Variants in HRH2 observed in about 807,000 individuals in gnomAD.
HRH2 encodes the protein histamine receptor H2.
HRH2 carries 4 observed loss-of-function variants against 20.1 expected under a neutral mutation model. The ratio of observed to expected loss-of-function variants is 0.20; its 90% CI spans 0.10 to 0.45. The LOEUF (loss-of-function observed/expected upper bound fraction) is 0.45, where lower values mean the gene tolerates loss of function less well. Among genes scored for constraint, HRH2 ranks in the 20% least tolerant of loss-of-function variants. The probability of loss-of-function intolerance (pLI) is 0.99; values close to 1 mark genes in which losing one functional copy is unlikely to be tolerated. For missense variants in HRH2, 250 were observed against 461.6 expected (o/e 0.54, Z 4.20); for synonymous variants, 197 against 200.7 (o/e 0.98, Z 0.16).
Position 175,677,444 on chromosome 5 carries a change from A to G in HRH2, c.-525-5265A>G, listed in dbSNP as rs972187520. Among the ~76,000 whole-genome samples the G allele has an allele frequency of 1.3e-5, 2 of 152,212 alleles. No homozygotes were observed. The highest frequency in any genetic ancestry group is 2.9e-5 in the Non-Finnish European group (2 of 68,038). On this transcript the variant is annotated intron_variant, in intron 1 of 2. Transcript: ENST00000636584. This position sits in a 1 kb window ranked among gnomAD's most constrained non-coding sequence, Gnocchi z 4.2. ...AAGCTGTTCTGCCATGTTAAGTGGG[A>G]AGAAAGGGCTCCCTGGGAAGGCCAG...
chr5:175,685,463 T>G, intron 2 of HRH2: 1 of 1,551,636 alleles, frequency 6.4e-7, no homozygotes, highest in Non-Finnish European at 8.7e-7. Context: ...ATTCATTCAT[T>G]CATTTGTTCA....
In HRH2 at chr5:175,710,560, G is replaced by A. The variant is rs1757061881; in HGVS notation, c.*2589G>A. Reference sequence around the variant, plus strand: ...CAGCTGGTCAGAGCTCTGGCCCGAGGGGCCCACGCACCACCCGCCACTGCA... The same window carrying A: ...CAGCTGGTCAGAGCTCTGGCCCGAGAGGCCCACGCACCACCCGCCACTGCA... On this transcript the variant is annotated 3_prime_UTR_variant, in exon 3 of 3. Coordinates refer to ENST00000636584, the MANE Select transcript of HRH2 (RefSeq NM_001367711.1). 1 of 152,268 alleles carries A rather than the reference G, an allele frequency of 6.6e-6. No individual in the cohort carries two copies. The highest frequency in any genetic ancestry group is 2.4e-5 in the African/African-American group (1 of 41,454). 9.4% of individuals were successfully genotyped at this position (152,268 alleles called of 1,614,324 possible).
intron 2 of HRH2, among the ~76,000 whole-genome samples, chr5:175,699,648 A>G (rs1305194285): frequency 6.6e-6 from 1 of 152,136 alleles, no homozygotes; most frequent in Non-Finnish European, 1.5e-5. Flanking sequence ...ACCTCGGCTC[A>G]CTGCAAGCTC....
Position 175,710,202 on chromosome 5 carries a change from G to C in HRH2, c.*2231G>C, listed in dbSNP as rs1346913842. ...CCTCACCAGGCTGTGGGTCCTGTCT[G>C]TTTCTGGTGACCGTTGTCTGTCTAA... is the stretch of plus-strand genomic sequence containing the variant. On this transcript the variant is annotated 3_prime_UTR_variant, in exon 3 of 3. Coordinates refer to ENST00000636584, the MANE Select transcript of HRH2 (RefSeq NM_001367711.1). 6.6e-6 allele frequency: 1 copy of C among 152,428 alleles called. No homozygotes were observed. Among genetic ancestry groups the C allele is most frequent in the African/African-American group, 2.4e-5 (1 of 41,444 alleles). 9.4% of individuals were successfully genotyped at this position (152,428 alleles called of 1,614,324 possible).
chr5:175,666,300 C>T (rs943511672), intron 1 of HRH2, among the ~76,000 whole-genome samples: 1 of 152,170 alleles, frequency 6.6e-6, no homozygotes, highest in African/African-American at 2.4e-5. Context: ...GGATCTGGGG[C>T]GTCATTGGGC....
Position 175,681,760 on chromosome 5 carries a change from T to C in HRH2, c.-525-949T>C, listed in dbSNP as rs1462734786. ...TGTGGGGATGATAGGATAAACCTAT[T>C]CATGGTGAGCCTCCCCACAGACTGT... On this transcript the variant is annotated intron_variant, in intron 1 of 2. Coordinates refer to ENST00000636584, the MANE Select transcript of HRH2 (RefSeq NM_001367711.1). This position sits in a 1 kb window ranked among gnomAD's most constrained non-coding sequence, Gnocchi z 4.3. Among the ~76,000 whole-genome samples, 1 of 152,158 alleles carries C rather than the reference T, an allele frequency of 6.6e-6. No individual in the cohort carries two copies. The highest frequency in any genetic ancestry group is 2.4e-5 in the African/African-American group (1 of 41,450).
In HRH2 at chr5:175,658,105, G is replaced by C. The variant is rs1762619474; in HGVS notation, c.-576G>C. The stretch of plus-strand genomic sequence containing the variant: ...CCCGGAGCGCAGCCGGCGCGGGCGC[G>C]GGACCGAGGCGAACCGGGTGCGGAG... On this transcript the variant is annotated 5_prime_UTR_variant, in exon 1 of 3. Transcript: ENST00000636584. 6.6e-6 allele frequency: 1 copy of C among 151,830 alleles called. No individual in the cohort carries two copies. 9.4% of individuals were successfully genotyped at this position (151,830 alleles called of 1,614,324 possible).
intron 1 of HRH2, among the ~76,000 whole-genome samples, chr5:175,668,151 A>G (rs1471549716): frequency 2.0e-5 from 3 of 152,220 alleles, no homozygotes; most frequent in African/African-American, 7.2e-5. Flanking sequence ...GGGAAGGACC[A>G]GGGCAGGGCA....
At position 175,681,569 on chromosome 5, in the gene HRH2, C is replaced by G. The variant is rs956664969; in HGVS notation, c.-525-1140C>G. ...CGCCAGTTGGAATCATATACAGCCA[C>G]CACTGGGAGGGAGCCTTGGAGATTA... On this transcript the variant is annotated intron_variant, in intron 1 of 2. Coordinates refer to ENST00000636584, the MANE Select transcript of HRH2 (RefSeq NM_001367711.1). This position sits in a 1 kb window ranked among gnomAD's most constrained non-coding sequence, Gnocchi z 4.3. Among the ~76,000 whole-genome samples the G allele has an allele frequency of 5.9e-5, 9 of 152,162 alleles. No homozygotes were observed. The highest frequency in any genetic ancestry group is 2.2e-4 in the African/African-American group (9 of 41,446).
At chr5:175,685,905 C>G (rs549272042) in intron 2 of HRH2, 1 of 188,892 alleles carries the variant, frequency 5.3e-6, no homozygotes, top group South Asian at 1.1e-4. Context: ...CTAGTGAGAA[C>G]CCTACATATT....
rs1411496263 is a variant in HRH2, at chr5:175,686,782, T to G, written c.1076+2473T>G. 6.6e-6 allele frequency among the ~76,000 whole-genome samples: 1 copy of G among 152,200 alleles called. No homozygotes were observed. The highest frequency in any genetic ancestry group is 1.5e-5 in the Non-Finnish European group (1 of 68,026). On this transcript the variant is annotated intron_variant, in intron 2 of 2. Coordinates refer to ENST00000636584, the MANE Select transcript of HRH2 (RefSeq NM_001367711.1). The surrounding 1 kb of genome is among the most constrained non-coding windows in gnomAD (Gnocchi z 4.7). Reference sequence around the variant, plus strand: ...CCCTGTGAAGCAGGGACTTGCTTAATCTCCACTTTATAGGTGGGAAAACTG... The same window carrying G: ...CCCTGTGAAGCAGGGACTTGCTTAAGCTCCACTTTATAGGTGGGAAAACTG...
intron 1 of HRH2, among the ~76,000 whole-genome samples, chr5:175,658,752 CG>C (rs1443929398): frequency 6.6e-6 from 1 of 152,140 alleles, no homozygotes; most frequent in Admixed American, 6.5e-5. Flanking sequence ...CAGCGCTCAG[CG>C]GGTGGGAGTC....
At position 175,677,709 on chromosome 5, in the gene HRH2, C is replaced by T. The variant is rs905448538; in HGVS notation, c.-525-5000C>T. Among the ~76,000 whole-genome samples the T allele has an allele frequency of 2.0e-5, 3 of 152,328 alleles. No homozygotes were observed. Among genetic ancestry groups the T allele is most frequent in the Non-Finnish European group, 2.9e-5 (2 of 68,024 alleles). On this transcript the variant is annotated intron_variant, in intron 1 of 2. Coordinates refer to ENST00000636584, the MANE Select transcript of HRH2 (RefSeq NM_001367711.1). The surrounding 1 kb of genome is among the most constrained non-coding windows in gnomAD (Gnocchi z 4.2). ...CTGGAACATTTGAAGTGGTCGATGACAGGGGAAAAGTTCTGAGAACGAATA... is the reference window on the plus strand; with the variant it reads ...CTGGAACATTTGAAGTGGTCGATGATAGGGGAAAAGTTCTGAGAACGAATA...
chr5:175,675,476 TCCTAACAA>T (rs1755723538), intron 1 of HRH2, among the ~76,000 whole-genome samples: 1 of 152,210 alleles, frequency 6.6e-6, no homozygotes, highest in South Asian at 2.1e-4. Context: ...GCCATTTTTA[TCCTAACAA>T]CAGGAGGGGA....
At chr5:175,674,458 A>G (rs372990757) in intron 1 of HRH2, among the ~76,000 whole-genome samples, 242 of 151,980 alleles carry the variant, frequency 1.6e-3, no homozygotes, top group South Asian at 4.8e-3. Flanking sequence ...CTCCCTCACT[A>G]TGATGCCTAG....
intron 1 of HRH2, among the ~76,000 whole-genome samples, chr5:175,670,407 T>G (rs1755487301): frequency 6.6e-6 from 1 of 152,252 alleles, no homozygotes; most frequent in Admixed American, 6.5e-5. Flanking sequence ...GAATTCAGCC[T>G]GTGGCCATTG....
At chr5:175,684,662 T>C (rs1348085429) in intron 2 of HRH2, among the ~76,000 whole-genome samples, 1 of 152,170 alleles carries the variant, frequency 6.6e-6, no homozygotes, top group African/African-American at 2.4e-5. Flanking sequence ...TGAGGAGTCG[T>C]AAGTGTTCAA....
At chr5:175,698,144 C>T (rs1327769566) in intron 2 of HRH2, among the ~76,000 whole-genome samples, 4 of 152,240 alleles carry the variant, frequency 2.6e-5, no homozygotes, top group Admixed American at 6.5e-5. Flanking sequence ...TGCACACGCT[C>T]GCTTACAGGC....
At chr5:175,699,572 T>A (rs1756725980) in intron 2 of HRH2, among the ~76,000 whole-genome samples, 1 of 151,160 alleles carries the variant, frequency 6.6e-6, no homozygotes, top group Admixed American at 6.6e-5. Context: ...GTTGTTTTTG[T>A]TTTGTTTGTT....
Sources: allele counts gnomAD v4.1 joint callset (sites outside exome capture counted in the v4.1 genomes callset), GRCh38; gene constraint gnomAD v4.1.1; non-coding constraint Gnocchi (gnomAD v3.1); transcripts MANE v1.5; gene names NCBI Gene and HGNC (gene_info 2026-07-23, HGNC 2026-07-21).